Variants in SLC25A21 observed in about 807,000 individuals in gnomAD.
The protein encoded by SLC25A21 is solute carrier family 25 member 21, also known as mitochondrial 2-oxodicarboxylate carrier.
A neutral mutation model predicts 43.8 loss-of-function variants in SLC25A21; 47 were observed. The observed-to-expected ratio is 1.07, with a 90% CI of 0.85 to 1.37. The LOEUF is 1.37. Ranked by LOEUF, SLC25A21 falls within the 40% of genes most tolerant of loss-of-function variation. The pLI is 0.00. For synonymous variants in SLC25A21, 131 were observed against 121.3 expected, an observed-to-expected ratio of 1.08 and a Z score of -0.52; for missense variants, 352 against 350.2, an observed-to-expected ratio of 1.00 and a Z score of -0.04.
intron 2 of SLC25A21, among the ~76,000 whole-genome samples, chr14:36,848,801 A>AATTATAATTGAATTT (rs1889628269): frequency 6.6e-6 from 1 of 152,230 alleles, no homozygotes; most frequent in African/African-American, 2.4e-5. Context: ...TTTCCTGTTC[A>AATTATAATTGAATTT]CATATTAAGA....
chr14:37,071,040 G>A (rs8017060), intron 1 of SLC25A21, among the ~76,000 whole-genome samples: 1 of 151,976 alleles, frequency 6.6e-6, no homozygotes, highest in African/African-American at 2.4e-5. Flanking sequence ...AAGTACAGCA[G>A]CAAAAGGGAA....
chr14:36,734,449 G>A, intron 4 of SLC25A21, 58 bp downstream of exon 4: 1 of 1,299,050 alleles, frequency 7.7e-7, no homozygotes, highest in Non-Finnish European at 1.1e-6. Flanking sequence ...AGAGTTTGTT[G>A]TGCTGAAGCT....
At chr14:36,985,389 A>AAATAAT (rs145364520) in intron 1 of SLC25A21, among the ~76,000 whole-genome samples, 10 of 151,620 alleles carry the variant, frequency 6.6e-5, no homozygotes, top group African/African-American at 1.2e-4. Flanking sequence ...CCATGGTTAA[A>AAATAAT]AATAATAATA....
rs1960850982 is a variant in SLC25A21, at chr14:37,016,174, AG to A, written c.71-141171del. On this transcript the variant is annotated intron_variant, in intron 1 of 9. Transcript: ENST00000331299. The stretch of plus-strand genomic sequence containing the variant: ...TTTCTTCCAGGGTTTTTATGGTTTT[AG>A]GTCTAACGTTTAAGTCTTTAATCCA... 3.9e-5 allele frequency among the ~76,000 whole-genome samples: 6 copies of A among 152,250 alleles called. 1 individual carries two copies. The South Asian group carries it at 1.2e-3, about 32-fold the overall frequency.
At chr14:37,153,826 G>T (rs140107571) in intron 1 of SLC25A21, among the ~76,000 whole-genome samples, 5 of 152,086 alleles carry the variant, frequency 3.3e-5, no homozygotes, top group Non-Finnish European at 5.9e-5. Context: ...CCAGGGTCTC[G>T]ACTGCTATCT....
chr14:37,123,349 A>G (rs1293623086), intron 1 of SLC25A21, among the ~76,000 whole-genome samples: 1 of 152,202 alleles, frequency 6.6e-6, no homozygotes, highest in Non-Finnish European at 1.5e-5. Flanking sequence ...ATAACTGACA[A>G]GAAAAGAACG....
At position 36,981,316 on chromosome 14, in the gene SLC25A21, G is replaced by C. The variant is rs1431948942; in HGVS notation, c.71-106312C>G. 3.9e-5 allele frequency among the ~76,000 whole-genome samples: 6 copies of C among 152,150 alleles called. No individual in the cohort carries two copies. The East Asian group carries it at 1.2e-3, about 29-fold the overall frequency. On this transcript the variant is annotated intron_variant, in intron 1 of 9. Transcript: ENST00000331299. ...GGATCTGTAACTAGAAATATCATTTGACCCAGCCATACCATTACTTGGTCT... is the reference window on the plus strand; with the variant it reads ...GGATCTGTAACTAGAAATATCATTTCACCCAGCCATACCATTACTTGGTCT...
At chr14:36,789,793 T>C (rs56389853) in intron 3 of SLC25A21, among the ~76,000 whole-genome samples, 1 of 111,648 alleles carries the variant, frequency 9.0e-6, no homozygotes, top group African/African-American at 3.6e-5. Flanking sequence ...TATTTATATA[T>C]AATATATTTT....
At position 37,090,273 on chromosome 14, in the gene SLC25A21, G is replaced by C. The variant is rs142215415; in HGVS notation, c.70+82008C>G. 1.7e-3 allele frequency among the ~76,000 whole-genome samples: 266 copies of C among 152,354 alleles called. 1 individual carries two copies. Among genetic ancestry groups the C allele is most frequent in the African/African-American group, 5.9e-3 (245 of 41,592 alleles). On this transcript the variant is annotated intron_variant, in intron 1 of 9. Transcript: ENST00000331299. The stretch of plus-strand genomic sequence containing the variant: ...GATTGTAATGATTGCTGTTGTGACA[G>C]TTTTCAGTCAGCATACTTGCTGCTG...
chr14:36,823,482 T>C (rs898759926), intron 2 of SLC25A21, among the ~76,000 whole-genome samples: 2 of 152,186 alleles, frequency 1.3e-5, no homozygotes, highest in Non-Finnish European at 2.9e-5. Context: ...AACAAATGAC[T>C]TCACATCCAC....
chr14:36,941,975 T>C (rs757656910), intron 1 of SLC25A21, among the ~76,000 whole-genome samples: 3 of 152,060 alleles, frequency 2.0e-5, no homozygotes, highest in Non-Finnish European at 2.9e-5. Flanking sequence ...GAGAAATAAT[T>C]GTATCAATGT....
chr14:36,841,924 T>C (rs536874076), intron 2 of SLC25A21, among the ~76,000 whole-genome samples: 65 of 152,310 alleles, frequency 4.3e-4, no homozygotes, highest in African/African-American at 1.5e-3. Flanking sequence ...GAAAATTCTT[T>C]TTACCAAAAC....
intron 1 of SLC25A21, among the ~76,000 whole-genome samples, chr14:36,987,553 T>A (rs573380720): frequency 6.6e-6 from 1 of 152,312 alleles, no homozygotes; most frequent in African/African-American, 2.4e-5. Context: ...CAGTTCTGTA[T>A]CATTTTTTCA....
intron 7 of SLC25A21, among the ~76,000 whole-genome samples, chr14:36,709,703 C>T (rs117767555): frequency 0.034 from 5,218 of 151,256 alleles, 136 homozygotes; most frequent in Middle Eastern, 0.066. Context: ...ATTCAGCTGT[C>T]ATTTGAGAAA....
At chr14:36,692,353 T>A (rs1023773608) in intron 7 of SLC25A21, among the ~76,000 whole-genome samples, 3 of 152,140 alleles carry the variant, frequency 2.0e-5, no homozygotes, top group African/African-American at 7.2e-5. Context: ...ATCATATGAC[T>A]CAAAACAGTT....
In SLC25A21 at chr14:36,697,738, C is replaced by CT. The variant is rs757711209; in HGVS notation, c.604-12814dup. The stretch of plus-strand genomic sequence containing the variant: ...TCTGAGACTAGGATTGCAAGCCCTA[C>CT]TTTTTTTTTTTGCTTTCCATTTGCT... On this transcript the variant is annotated intron_variant, in intron 7 of 9. Transcript: ENST00000331299. Among the ~76,000 whole-genome samples, 59 of 111,624 alleles carry CT rather than the reference C, an allele frequency of 5.3e-4. 2 individuals are homozygous for CT. The highest frequency in any genetic ancestry group is 1.4e-3 in the Admixed American group (15 of 10,596). 73.2% of individuals were successfully genotyped at this position (111,624 alleles called of 152,430 possible). A position where few individuals can be genotyped will look rare whatever the true frequency, so the allele number is the denominator to read the frequency against.
At chr14:37,059,998 T>C (rs1159901251) in intron 1 of SLC25A21, among the ~76,000 whole-genome samples, 1 of 152,136 alleles carries the variant, frequency 6.6e-6, no homozygotes, top group Non-Finnish European at 1.5e-5. Flanking sequence ...TTATAAAGAC[T>C]GAGATAAGAG....
At chr14:37,089,439 T>A (rs561626557) in intron 1 of SLC25A21, among the ~76,000 whole-genome samples, 1 of 152,134 alleles carries the variant, frequency 6.6e-6, no homozygotes, top group African/African-American at 2.4e-5. Flanking sequence ...ATAGGAGAAC[T>A]CTTGAGAAAT....
intron 1 of SLC25A21, among the ~76,000 whole-genome samples, chr14:37,006,671 C>G (rs1472863378): frequency 1.3e-5 from 2 of 152,032 alleles, no homozygotes; most frequent in Non-Finnish European, 2.9e-5. Flanking sequence ...TTCCTTAATT[C>G]CTATTTTCCC....
Sources: gnomAD v4.1 joint callset for allele counts (sites outside exome capture counted in the v4.1 genomes callset) on GRCh38, gnomAD v4.1.1 for gene constraint, MANE v1.5 for transcripts, NCBI Gene and HGNC (gene_info 2026-07-23, HGNC 2026-07-21) for gene names.